Variants in TRHDE observed in about 807,000 individuals in gnomAD.
TRHDE encodes thyrotropin-releasing hormone-degrading ectoenzyme.
Under a neutral mutation model 125.7 loss-of-function variants are expected in TRHDE, and 72 were observed. The observed-to-expected ratio is 0.57, with a 90% confidence interval of 0.47 to 0.70. The LOEUF (loss-of-function observed/expected upper bound fraction) is 0.70, where lower values mean the gene tolerates loss of function less well. Among genes scored for constraint, TRHDE ranks in the 30% least tolerant of loss-of-function variants. TRHDE has a pLI of 0.00. For synonymous variants in TRHDE, 509 were observed against 509.1 expected (o/e 1.00, Z 0.00); for missense variants, 1,110 against 1,327.1 (o/e 0.84, Z 2.54).
At chr12:72,255,280 A>T (rs1878782676) in intron 2 of TRHDE, 1 of 152,238 alleles carries the variant, frequency 6.6e-6, no homozygotes. Flanking sequence ...GTCAACCACA[A>T]GGAACAGGAG....
intron 5 of TRHDE, among the ~76,000 whole-genome samples, chr12:72,474,954 T>C (rs1410081839): frequency 1.3e-5 from 2 of 152,180 alleles, no homozygotes; most frequent in African/African-American, 4.8e-5. Context: ...ACTGATATTT[T>C]ATGAAGGCAA....
chr12:72,666,070 T>G lies in TRHDE; in HGVS notation c.*2875T>G, dbSNP rs1276576521. 6.7e-6 allele frequency: 1 copy of G among 148,202 alleles called. No homozygotes were observed. Among genetic ancestry groups the G allele is most frequent in the Non-Finnish European group, 1.5e-5 (1 of 67,988 alleles). 9.2% of individuals were successfully genotyped at this position (148,202 alleles called of 1,614,324 possible). On this transcript the variant is annotated 3_prime_UTR_variant, in exon 19 of 19. Transcript: ENST00000261180. ...GTGATAGTATTATTTACAAATATTATAAGTATAATATCTTGTGAGGCTATT... is the reference window on the plus strand; with the variant it reads ...GTGATAGTATTATTTACAAATATTAGAAGTATAATATCTTGTGAGGCTATT...
chr12:72,660,236 C>T (rs755421793), intron 18 of TRHDE, among the ~76,000 whole-genome samples: 10 of 152,140 alleles, frequency 6.6e-5, no homozygotes, highest in South Asian at 2.1e-4. Context: ...CTATCTACTA[C>T]GAACTTCAAA....
At chr12:72,527,117 C>T (rs144901722) in intron 6 of TRHDE, among the ~76,000 whole-genome samples, 54 of 152,180 alleles carry the variant, frequency 3.5e-4, no homozygotes, top group African/African-American at 1.2e-3. Context: ...ATATTTTGCA[C>T]ATTAGTGCAG....
intron 15 of TRHDE, among the ~76,000 whole-genome samples, chr12:72,649,190 A>C (rs1046992214): frequency 6.6e-6 from 1 of 152,082 alleles, no homozygotes; most frequent in African/African-American, 2.4e-5. Context: ...AATAAAGACC[A>C]ACATATACAC....
At chr12:72,585,358 C>T (rs1266038400) in intron 12 of TRHDE, among the ~76,000 whole-genome samples, 2 of 152,154 alleles carry the variant, frequency 1.3e-5, no homozygotes, top group African/African-American at 4.8e-5. Context: ...AATTCTTGCT[C>T]TATGAAATAA....
chr12:72,622,364 A>G (rs1268656337), intron 15 of TRHDE, among the ~76,000 whole-genome samples: 1 of 152,064 alleles, frequency 6.6e-6, no homozygotes, highest in Non-Finnish European at 1.5e-5. Context: ...GGAATACTAA[A>G]CATAAAAATA....
Position 72,413,745 on chromosome 12 carries a change from C to A in TRHDE, c.1315+35624C>A, listed in dbSNP as rs1023680599. ...TCTGGATATAAGAAAAGTTCATGAG[C>A]ATCACCATCCTCCAAATCTAGATTG... On this transcript the variant is annotated intron_variant, in intron 3 of 18. Coordinates refer to ENST00000261180, the MANE Select transcript of TRHDE (RefSeq NM_013381.3). 8.9e-4 allele frequency among the ~76,000 whole-genome samples: 135 copies of A among 152,062 alleles called. No homozygotes were observed. The Middle Eastern group carries it at 0.014, about 15-fold the overall frequency.
chr12:72,627,585 A>T (rs971370536), intron 15 of TRHDE, among the ~76,000 whole-genome samples: 3 of 151,890 alleles, frequency 2.0e-5, no homozygotes, highest in African/African-American at 7.2e-5. Context: ...AAAATAAAAT[A>T]TTTAATATGC....
At chr12:72,168,121 T>C (rs961274576) in intron 2 of TRHDE, among the ~76,000 whole-genome samples, 13 of 152,188 alleles carry the variant, frequency 8.5e-5, no homozygotes, top group African/African-American at 2.9e-4. Context: ...CTAAAGCAGA[T>C]ATGCATATTT....
At chr12:72,521,017 G>T (rs117398304) in intron 6 of TRHDE, among the ~76,000 whole-genome samples, 1 of 152,116 alleles carries the variant, frequency 6.6e-6, no homozygotes, top group Non-Finnish European at 1.5e-5. Flanking sequence ...ATAATAGCTC[G>T]TGAGTAGCAG....
At chr12:72,487,984 T>A (rs1389009628) in intron 5 of TRHDE, among the ~76,000 whole-genome samples, 1 of 151,554 alleles carries the variant, frequency 6.6e-6, no homozygotes, top group Non-Finnish European at 1.5e-5. Context: ...TTAAGCCTCA[T>A]GACAACCACA....
chr12:72,125,359 G>T lies in TRHDE; in HGVS notation n.279+19607G>T, dbSNP rs529146695. Among the ~76,000 whole-genome samples the T allele has an allele frequency of 1.5e-3, 228 of 151,892 alleles. 1 individual carries two copies. The highest frequency in any genetic ancestry group is 5.0e-3 in the African/African-American group (209 of 41,436). On this transcript the variant is annotated intron_variant and non_coding_transcript_variant, in intron 2 of 4. Transcript: ENST00000548156. Reference sequence around the variant, plus strand: ...TATGCTTTCTTATGGTTGTTTCCATGGGTTTTCTAATTAATTGAGCTGAAT... The same window carrying T: ...TATGCTTTCTTATGGTTGTTTCCATTGGTTTTCTAATTAATTGAGCTGAAT...
intron 15 of TRHDE, among the ~76,000 whole-genome samples, chr12:72,629,017 G>A (rs931588739): frequency 6.6e-6 from 1 of 151,746 alleles, no homozygotes; most frequent in Admixed American, 6.6e-5. Flanking sequence ...AACTAATCTG[G>A]TTGTATTTTT....
upstream of TRHDE, chr12:72,272,288 C>G (rs894724804): frequency 2.7e-5 from 10 of 366,014 alleles, no homozygotes; most frequent in East Asian, 7.3e-4. The surrounding 1 kb of genome is among the most constrained non-coding windows in gnomAD (Gnocchi z 6.7). Context: ...GAGGCGAGAG[C>G]GCGGCGCAGG....
chr12:72,325,288 C>T (rs950869451), intron 2 of TRHDE, among the ~76,000 whole-genome samples: 4 of 152,006 alleles, frequency 2.6e-5, no homozygotes, highest in Admixed American at 6.6e-5. Context: ...TTTATTCTCA[C>T]ATAGCCACCA....
chr12:72,518,935 G>A (rs997629834), intron 6 of TRHDE, among the ~76,000 whole-genome samples: 6 of 152,060 alleles, frequency 3.9e-5, no homozygotes, highest in African/African-American at 7.2e-5. Context: ...GAAATTCTGG[G>A]TTGAAAATTC....
At chr12:72,217,437 A>G (rs961427454) in intron 2 of TRHDE, among the ~76,000 whole-genome samples, 2 of 152,166 alleles carry the variant, frequency 1.3e-5, no homozygotes, top group Non-Finnish European at 2.9e-5. Flanking sequence ...GCCAAAGATC[A>G]TTTACTATAT....
chr12:72,204,417 A>T (rs947283350), intron 2 of TRHDE, among the ~76,000 whole-genome samples: 6 of 151,996 alleles, frequency 3.9e-5, no homozygotes, highest in African/African-American at 1.4e-4. Flanking sequence ...TTTTTTCTAT[A>T]TAAATTATCT....
Sources: allele counts gnomAD v4.1 joint callset (sites outside exome capture counted in the v4.1 genomes callset), GRCh38; gene constraint gnomAD v4.1.1; non-coding constraint Gnocchi (gnomAD v3.1); transcripts MANE v1.5; gene names NCBI Gene and HGNC (gene_info 2026-07-23, HGNC 2026-07-21).